The following SRFBP1 variants were observed in gnomAD, a reference collection of about 807,000 sequenced individuals.
SRFBP1 encodes the protein serum response factor-binding protein 1.
A neutral mutation model predicts 45.5 loss-of-function variants in SRFBP1; 47 were observed. The observed-to-expected ratio is 1.03, with a 90% CI of 0.82 to 1.32. The LOEUF is 1.32. Among genes scored for constraint, SRFBP1 ranks in the 40% most tolerant of loss-of-function variants. The probability of loss-of-function intolerance (pLI) is 0.00; values close to 1 mark genes in which losing one functional copy is unlikely to be tolerated. For synonymous variants in SRFBP1, 203 were observed against 166.3 expected (o/e 1.22, Z -1.70); for missense variants, 621 against 484.6 (o/e 1.28, Z -2.64).
intron 5 of SRFBP1, among the ~76,000 whole-genome samples, chr5:122,019,791 A>G (rs929301631): frequency 2.6e-5 from 4 of 151,954 alleles, no homozygotes; most frequent in African/African-American, 9.7e-5. Context: ...TAAAGTTGCC[A>G]TTCCCTTTTA....
intron 6 of SRFBP1, among the ~76,000 whole-genome samples, chr5:122,021,968 A>G (rs1753335345): frequency 6.6e-6 from 1 of 151,876 alleles, no homozygotes; most frequent in African/African-American, 2.4e-5. Flanking sequence ...TGCTGGGATT[A>G]CAGGCGTGAC....
chr5:122,037,629 T>G (rs1753713986), intron 2 of SRFBP1, among the ~76,000 whole-genome samples: 1 of 152,148 alleles, frequency 6.6e-6, no homozygotes, highest in African/African-American at 2.4e-5. Flanking sequence ...TAGCCAAGAT[T>G]ACAGCCACAT....
chr5:122,027,167 A>AC lies in SRFBP1; in HGVS notation c.*41_*42insC, dbSNP rs1753500396. 1 of 1,545,528 alleles carries AC rather than the reference A, an allele frequency of 6.5e-7. No individual in the cohort carries two copies. The highest frequency in any genetic ancestry group is 2.3e-5 in the East Asian group (1 of 44,086). On this transcript the variant is annotated 3_prime_UTR_variant, in exon 8 of 8. Transcript: ENST00000339397. ...GCAAACTTTTCCATCTAAAAAAAAA[A>AC]ATGTTTTTTTTAAGACAGGATCTCA...
intron 2 of SRFBP1, chr5:122,066,712 G>T: frequency 6.3e-7 from 1 of 1,591,016 alleles, no homozygotes; most frequent in Non-Finnish European, 8.6e-7. Context: ...ACCAGGCACT[G>T]ATTTATCCAT....
intron 4 of SRFBP1, among the ~76,000 whole-genome samples, chr5:122,006,458 T>C (rs1752976783): frequency 6.6e-6 from 1 of 151,520 alleles, no homozygotes; most frequent in South Asian, 2.1e-4. Flanking sequence ...AAATTTTTTC[T>C]GATATTATTT....
intron 2 of SRFBP1, among the ~76,000 whole-genome samples, chr5:122,053,182 G>A (rs887785385): frequency 4.6e-5 from 7 of 152,104 alleles, no homozygotes; most frequent in Non-Finnish European, 8.8e-5. Context: ...GTTGCGCCTG[G>A]TCACAGAGTT....
chr5:122,070,674 T>G, intron 2 of SRFBP1: 4 of 677,016 alleles, frequency 5.9e-6, no homozygotes, highest in Non-Finnish European at 1.0e-5. Context: ...CAAATTAAAT[T>G]TTAAGTTAGT....
intron 3 of SRFBP1, among the ~76,000 whole-genome samples, chr5:121,978,298 C>T (rs2112822222): frequency 6.6e-6 from 1 of 152,176 alleles, no homozygotes; most frequent in African/African-American, 2.4e-5. Flanking sequence ...TTATGTTATC[C>T]ACTGTAGTAT....
At chr5:121,963,032 T>A (rs1313327866) in intron 1 of SRFBP1, among the ~76,000 whole-genome samples, 1 of 152,014 alleles carries the variant, frequency 6.6e-6, no homozygotes, top group African/African-American at 2.4e-5. Flanking sequence ...GGCGGCAAAA[T>A]GAAATGGGTG....
At chr5:121,965,752 T>G (rs961535659) in intron 1 of SRFBP1, among the ~76,000 whole-genome samples, 2 of 152,234 alleles carry the variant, frequency 1.3e-5, no homozygotes, top group African/African-American at 4.8e-5. Context: ...TTGATGGGGA[T>G]AGCTTTAAAT....
At chr5:122,033,828 T>G (rs1382142596) in intron 2 of SRFBP1, among the ~76,000 whole-genome samples, 8 of 147,532 alleles carry the variant, frequency 5.4e-5, no homozygotes, top group African/African-American at 1.3e-4. Context: ...AGTTTTTTTT[T>G]TTTTTTTTTT....
At chr5:122,057,430 CAT>C (rs1321999539) in intron 2 of SRFBP1, among the ~76,000 whole-genome samples, 1 of 151,024 alleles carries the variant, frequency 6.6e-6, no homozygotes, top group East Asian at 2.0e-4. Context: ...AATGAAAAAA[CAT>C]ATATGCCATT....
At chr5:121,976,826 C>T (rs983060863) in intron 3 of SRFBP1, among the ~76,000 whole-genome samples, 2 of 150,528 alleles carry the variant, frequency 1.3e-5, no homozygotes, top group Non-Finnish European at 3.0e-5. Flanking sequence ...TTTTGTAATA[C>T]TGTTTAAAAA....
chr5:122,019,168 T>A, intron 4 of SRFBP1, 92 bp from the exon 5 acceptor site: 1 of 1,089,386 alleles, frequency 9.2e-7, no homozygotes, highest in Non-Finnish European at 1.4e-6. Flanking sequence ...CAACTCTAAT[T>A]TTAAAGACTA....
intron 7 of SRFBP1, among the ~76,000 whole-genome samples, chr5:122,025,112 T>TC (rs929786577): frequency 3.5e-5 from 5 of 144,866 alleles, no homozygotes; most frequent in African/African-American, 5.0e-5. Flanking sequence ...CCCTCCCCAC[T>TC]CCCCCCACCC....
At chr5:122,018,259 T>A (rs954610362) in intron 4 of SRFBP1, among the ~76,000 whole-genome samples, 13 of 152,208 alleles carry the variant, frequency 8.5e-5, no homozygotes, top group Non-Finnish European at 1.9e-4. Flanking sequence ...TGTGGAAAAT[T>A]GACTGTTGAG....
intron 1 of SRFBP1, among the ~76,000 whole-genome samples, chr5:121,971,839 T>C (rs1336079731): frequency 1.3e-5 from 2 of 151,952 alleles, no homozygotes; most frequent in African/African-American, 2.4e-5. Context: ...AAAGAGAAAG[T>C]GGTCAAAAAT....
chr5:122,034,372 C>G (rs866325615), intron 2 of SRFBP1, among the ~76,000 whole-genome samples: 1 of 151,852 alleles, frequency 6.6e-6, no homozygotes, highest in African/African-American at 2.4e-5. Flanking sequence ...AAAACAAAAT[C>G]TTAAATTTGG....
At chr5:122,077,170 A>T, downstream of SRFBP1, 1 of 1,463,752 alleles carries the variant, frequency 6.8e-7, no homozygotes, top group Non-Finnish European at 9.0e-7. The surrounding 1 kb of genome is among the most constrained non-coding windows in gnomAD (Gnocchi z 4.9). Context: ...AAGCAATGTG[A>T]AAAGGAAGCA....
Sources: gnomAD v4.1 joint callset for allele counts (sites outside exome capture counted in the v4.1 genomes callset) on GRCh38, gnomAD v4.1.1 for gene constraint, Gnocchi (gnomAD v3.1) non-coding constraint, MANE v1.5 for transcripts, NCBI Gene and HGNC (gene_info 2026-07-23, HGNC 2026-07-21) for gene names.